MAPKAP1: variants seen among roughly 807,000 people sequenced by gnomAD.
MAPKAP1 encodes the protein MAPK associated protein 1, also known as target of rapamycin complex 2 subunit MAPKAP1.
MAPKAP1 carries 20 observed loss-of-function variants against 65.7 expected under a neutral mutation model. The ratio of observed to expected loss-of-function variants is 0.30; its 90% CI spans 0.21 to 0.44. MAPKAP1 has a LOEUF of 0.44. Ranked by LOEUF, MAPKAP1 falls within the 20% of genes least tolerant of loss-of-function variation. MAPKAP1 has a pLI of 1.00. For missense variants in MAPKAP1, 423 were observed against 648.0 expected (o/e 0.65, Z 3.77); for synonymous variants, 222 against 244.3 (o/e 0.91, Z 0.85).
At chr9:125,662,358 G>A (rs535933398) in intron 3 of MAPKAP1, among the ~76,000 whole-genome samples, 2 of 152,130 alleles carry the variant, frequency 1.3e-5, no homozygotes, top group East Asian at 1.9e-4. Context: ...TTCTAGCCCC[G>A]GTGAGAGTGC....
chr9:125,500,351 CTT>C (rs34872033), intron 8 of MAPKAP1, among the ~76,000 whole-genome samples: 12 of 136,494 alleles, frequency 8.8e-5, no homozygotes, highest in Non-Finnish European at 9.6e-5. Context: ...CCATCCCTGG[CTT>C]TTTTTTTTTT....
chr9:125,643,705 G>A lies in MAPKAP1; in HGVS notation c.498+13946C>T, dbSNP rs142397426. Among the ~76,000 whole-genome samples the A allele has an allele frequency of 4.1e-3, 621 of 152,112 alleles. 6 individuals are homozygous for A. The highest frequency in any genetic ancestry group is 0.014 in the African/African-American group (586 of 41,484). Reference sequence around the variant, plus strand: ...ACAATGAAAATACATTTGTATATACGTTTCTGATTAATTCCTAAGAATACA... The same window carrying A: ...ACAATGAAAATACATTTGTATATACATTTCTGATTAATTCCTAAGAATACA... On this transcript the variant is annotated intron_variant, in intron 4 of 11. Coordinates refer to ENST00000265960, the MANE Select transcript of MAPKAP1 (RefSeq NM_001006617.3).
chr9:125,464,666 G>C (rs1193791147), intron 10 of MAPKAP1, among the ~76,000 whole-genome samples: 1 of 152,148 alleles, frequency 6.6e-6, no homozygotes, highest in Non-Finnish European at 1.5e-5. Context: ...AGCCTAAGAG[G>C]GAGAAGTCGA....
chr9:125,460,506 T>C (rs994878184), intron 10 of MAPKAP1, among the ~76,000 whole-genome samples: 13 of 152,180 alleles, frequency 8.5e-5, no homozygotes, highest in African/African-American at 3.1e-4. Context: ...TCTGTAAACA[T>C]ACACATAACG....
chr9:125,515,449 C>T (rs763294911), intron 7 of MAPKAP1, among the ~76,000 whole-genome samples: 3 of 152,088 alleles, frequency 2.0e-5, no homozygotes, highest in Admixed American at 2.0e-4. Flanking sequence ...CAAGCAGAGA[C>T]GAGAAAGATA....
intron 1 of MAPKAP1, among the ~76,000 whole-genome samples, chr9:125,689,435 G>GGAAA (rs1835093153): frequency 2.5e-5 from 1 of 39,542 alleles, no homozygotes; most frequent in African/African-American, 8.7e-5. Context: ...ACTCCATCTC[G>GGAAA]GAAAAAAAAA....
intron 5 of MAPKAP1, among the ~76,000 whole-genome samples, chr9:125,571,403 G>A (rs553448296): frequency 1.3e-5 from 2 of 152,236 alleles, no homozygotes; most frequent in African/African-American, 4.8e-5. Context: ...TTAAACGCAG[G>A]TTTCTAATAA....
intron 9 of MAPKAP1, among the ~76,000 whole-genome samples, chr9:125,483,897 G>GT (rs1854404251): frequency 6.6e-6 from 1 of 152,160 alleles, no homozygotes; most frequent in South Asian, 2.1e-4. Flanking sequence ...TAATGATGAT[G>GT]TATTAATAGT....
At chr9:125,668,851 G>C (rs887474302) in intron 3 of MAPKAP1, among the ~76,000 whole-genome samples, 1 of 152,196 alleles carries the variant, frequency 6.6e-6, no homozygotes. Flanking sequence ...GTCTAGGTTG[G>C]AACTGCCAAG....
chr9:125,612,402 T>C (rs1832626984), intron 4 of MAPKAP1, among the ~76,000 whole-genome samples: 1 of 151,994 alleles, frequency 6.6e-6, no homozygotes, highest in African/African-American at 2.4e-5. Flanking sequence ...ACAAATTCTT[T>C]TAGTTTTTTT....
At chr9:125,645,970 T>C (rs1833715312) in intron 4 of MAPKAP1, among the ~76,000 whole-genome samples, 1 of 152,158 alleles carries the variant, frequency 6.6e-6, no homozygotes, top group Non-Finnish European at 1.5e-5. Flanking sequence ...TTTTTTGAGA[T>C]AATTGTGATA....
chr9:125,452,581 T>C (rs1018324369), intron 10 of MAPKAP1, among the ~76,000 whole-genome samples: 13 of 151,990 alleles, frequency 8.6e-5, no homozygotes, highest in African/African-American at 2.9e-4. Flanking sequence ...TATTGAGGAG[T>C]CCAAAAAGCT....
chr9:125,504,734 A>C (rs1359340392), intron 8 of MAPKAP1, among the ~76,000 whole-genome samples: 1 of 152,188 alleles, frequency 6.6e-6, no homozygotes, highest in Non-Finnish European at 1.5e-5. Flanking sequence ...TGTAGGTTGC[A>C]GTGAGCCTAG....
chr9:125,601,485 T>A (rs1269418401), intron 4 of MAPKAP1, among the ~76,000 whole-genome samples: 1 of 152,210 alleles, frequency 6.6e-6, no homozygotes. Context: ...ACTTTAAGAT[T>A]CAATGTTCCT....
rs1852369541 is a variant in MAPKAP1 at position 125,438,521 on chromosome 9, G to A, written c.*366C>T. The A allele has an allele frequency of 4.8e-6, 2 of 412,820 alleles. No homozygotes were observed. Among genetic ancestry groups the A allele is most frequent in the Non-Finnish European group, 8.5e-6 (2 of 234,890 alleles). The allele number at this position is 412,820 out of a possible 1,614,324, so 25.6% of individuals were successfully genotyped here. ...AGGAAAAACAGAAATGTACATTTTT[G>A]TTGTTTGCTTTAAGAAATTTGATCA... On this transcript the variant is annotated 3_prime_UTR_variant, in exon 12 of 12. Transcript: ENST00000265960.
chr9:125,476,908 C>G (rs1854131279), intron 9 of MAPKAP1, among the ~76,000 whole-genome samples: 1 of 152,204 alleles, frequency 6.6e-6, no homozygotes, highest in African/African-American at 2.4e-5. Context: ...TCAGACACAG[C>G]TGGAGATGCT....
intron 1 of MAPKAP1, among the ~76,000 whole-genome samples, chr9:125,673,258 C>G (rs1382325393): frequency 6.6e-6 from 1 of 152,136 alleles, no homozygotes; most frequent in Non-Finnish European, 1.5e-5. Context: ...GACAGGGTAT[C>G]GCGCTTGTTG....
rs1192255667 is a variant in MAPKAP1 at position 125,595,819 on chromosome 9, C to T, written c.499-10092G>A. On this transcript the variant is annotated intron_variant, in intron 4 of 11. Transcript: ENST00000265960. This position sits in a 1 kb window ranked among gnomAD's most constrained non-coding sequence, Gnocchi z 4.0. ...GTGTGGTAATGAAAGATTCCAACAC[C>T]AAGCGTTCCGGGGGTTTTGGGTTTG... is the stretch of plus-strand genomic sequence containing the variant. 1 of 1,132,316 alleles carries T rather than the reference C, an allele frequency of 8.8e-7. No individual in the cohort carries two copies. Among genetic ancestry groups the T allele is most frequent in the East Asian group, 2.3e-5 (1 of 42,684 alleles). The allele number at this position is 1,132,316 out of a possible 1,614,324, so 70.1% of individuals were successfully genotyped here.
intron 7 of MAPKAP1, among the ~76,000 whole-genome samples, chr9:125,507,918 A>G (rs542983079): frequency 6.6e-6 from 1 of 152,148 alleles, no homozygotes; most frequent in East Asian, 1.9e-4. Context: ...CCCCTTAGCG[A>G]TTCTCCCAAA....
Sources: allele counts gnomAD v4.1 joint callset (sites outside exome capture counted in the v4.1 genomes callset), GRCh38; gene constraint gnomAD v4.1.1; non-coding constraint Gnocchi (gnomAD v3.1); transcripts MANE v1.5; gene names NCBI Gene and HGNC (gene_info 2026-07-23, HGNC 2026-07-21).